Variants in UNC45A observed in about 807,000 individuals in gnomAD.
The protein encoded by UNC45A is protein unc-45 homolog A.
Under a neutral mutation model 103.2 loss-of-function variants are expected in UNC45A, and 78 were observed. The observed-to-expected ratio is 0.76, with a 90% CI of 0.63 to 0.91. UNC45A has a LOEUF of 0.91. Among genes scored for constraint, UNC45A ranks in the 40% least tolerant of loss-of-function variants. The probability of loss-of-function intolerance (pLI) is 0.00; values close to 1 mark genes in which losing one functional copy is unlikely to be tolerated. For synonymous variants in UNC45A, 495 were observed against 504.6 expected (o/e 0.98, Z 0.25); for missense variants, 1,193 against 1,224.8 (o/e 0.97, Z 0.39).
intron 6 of UNC45A, 98 bp downstream of exon 6, chr15:90,940,571 GTCCA>G: frequency 1.4e-5 from 20 of 1,456,658 alleles, no homozygotes; most frequent in Admixed American, 6.5e-5. Context: ...CCATCTGCCC[GTCCA>G]TCCATCCATC....
At chr15:90,951,013 T>C (rs2036877253) in intron 17 of UNC45A, among the ~76,000 whole-genome samples, 1 of 152,078 alleles carries the variant, frequency 6.6e-6, no homozygotes, top group African/African-American at 2.4e-5. Context: ...TATTTTAGTT[T>C]TTTTTTTTCT....
intron 4 of UNC45A, among the ~76,000 whole-genome samples, chr15:90,939,164 A>G (rs1184052870): frequency 6.6e-6 from 1 of 151,690 alleles, no homozygotes; most frequent in Non-Finnish European, 1.5e-5. Flanking sequence ...TATTTTTAGT[A>G]GAGATGGGGT....
intron 17 of UNC45A, among the ~76,000 whole-genome samples, chr15:90,951,164 C>T (rs544756099): frequency 2.0e-4 from 30 of 152,226 alleles, no homozygotes; most frequent in Non-Finnish European, 3.7e-4. Context: ...CGTGCTACCG[C>T]GCCTGGCTAA....
At chr15:90,934,189 C>A, upstream of UNC45A, 1 of 399,656 alleles carries the variant, frequency 2.5e-6, no homozygotes, top group Non-Finnish European at 4.4e-6. Flanking sequence ...GTGCTATGGG[C>A]TATTCCTGGG....
chr15:90,934,229 G>A (rs1447963532), upstream of UNC45A: 1 of 399,622 alleles, frequency 2.5e-6, no homozygotes. Flanking sequence ...GGGTGGAAGG[G>A]CATCTTTTCT....
At chr15:90,950,063 G>A in intron 15 of UNC45A, 91 bp from the exon 16 acceptor site, 1 of 1,234,622 alleles carries the variant, frequency 8.1e-7, no homozygotes, top group Non-Finnish European at 1.1e-6. Context: ...GAGGGAGGAA[G>A]GTGAGGGTGG....
rs199825054 is a variant in UNC45A, at chr15:90,948,618, C to T, written c.1738-36C>T. The stretch of plus-strand genomic sequence containing the variant: ...CATTTATCTGAGTACTGCTCTGCCC[C>T]GGGATGCCCATGTGAATTCCTCTGT... On this transcript the variant is annotated intron_variant, in intron 12 of 19. Transcript: ENST00000418476. 104 of 1,608,242 alleles carry T rather than the reference C, an allele frequency of 6.5e-5. 1 individual carries two copies. Among genetic ancestry groups the T allele is most frequent in the Admixed American group, 3.2e-4 (19 of 59,836 alleles).
intron 1 of UNC45A, 55 bp from the exon 2 acceptor site, chr15:90,935,489 T>G: frequency 6.4e-7 from 1 of 1,571,462 alleles, no homozygotes; most frequent in Non-Finnish European, 8.6e-7. Context: ...TCCCCTTAGC[T>G]CCCGGGCTCT....
chr15:90,935,852 G>A (rs2035988090), intron 2 of UNC45A, 94 bp from the exon 3 acceptor site: 2 of 1,591,156 alleles, frequency 1.3e-6, no homozygotes, highest in Non-Finnish European at 1.7e-6. Context: ...GTGGGGGATC[G>A]GGTGACCTTG....
upstream of UNC45A, chr15:90,931,087 T>C: frequency 1.6e-6 from 1 of 631,448 alleles, no homozygotes; most frequent in Non-Finnish European, 2.7e-6. Flanking sequence ...TACATCTGAT[T>C]CCCACCACGC....
At chr15:90,950,687 C>G in intron 17 of UNC45A, 72 bp downstream of exon 17, 1 of 1,437,614 alleles carries the variant, frequency 7.0e-7, no homozygotes, top group Non-Finnish European at 9.6e-7. Flanking sequence ...GCAGTTTACA[C>G]ATTGGGAAAC....
At chr15:90,931,347 C>T (rs771171537), upstream of UNC45A, 4 of 1,552,774 alleles carry the variant, frequency 2.6e-6, no homozygotes, top group Non-Finnish European at 3.5e-6. Context: ...TTCCCTGAAG[C>T]CCCTTCACCA....
upstream of UNC45A, chr15:90,935,156 A>G: frequency 1.5e-6 from 1 of 667,454 alleles, no homozygotes; most frequent in South Asian, 1.8e-5. Context: ...TGCGATCCAG[A>G]GCCAAGCGCC....
chr15:90,932,155 C>T (rs2035822142), upstream of UNC45A: 2 of 1,551,490 alleles, frequency 1.3e-6, no homozygotes, highest in East Asian at 4.5e-5. Flanking sequence ...GAGGTAGTCC[C>T]AAGGCGGTGT....
At chr15:90,949,931 G>T (rs889126967) in intron 15 of UNC45A, 3 of 671,298 alleles carry the variant, frequency 4.5e-6, no homozygotes, top group Non-Finnish European at 7.6e-6. Flanking sequence ...AGGCTCTACT[G>T]TTCCTTTGTC....
At chr15:90,946,994 C>T in intron 10 of UNC45A, 80 bp downstream of exon 10, 1 of 1,488,926 alleles carries the variant, frequency 6.7e-7, no homozygotes, top group African/African-American at 1.4e-5. Context: ...GGTGTGGCCC[C>T]AGCACACTCC....
At chr15:90,948,417 G>A (rs2036694579) in intron 12 of UNC45A, 134 bp downstream of exon 12, 1 of 1,388,798 alleles carries the variant, frequency 7.2e-7, no homozygotes, top group Admixed American at 2.2e-5. Flanking sequence ...TGGCTGCTCT[G>A]TGTAGTGTGG....
At position 90,953,857 on chromosome 15, in the gene UNC45A, C is replaced by G. The variant is rs1567165274; in HGVS notation, c.*141C>G. On this transcript the variant is annotated 3_prime_UTR_variant, in exon 20 of 20. Coordinates refer to ENST00000418476, the MANE Select transcript of UNC45A (RefSeq NM_018671.5). ...CTCGCTTGCTGCCCTAGGATGTCCT[C>G]TGTTCTGAGTCAGCGGCCACGTTCA... 1 of 1,278,178 alleles carries G rather than the reference C, an allele frequency of 7.8e-7. No individual in the cohort carries two copies. Among genetic ancestry groups the G allele is most frequent in the Non-Finnish European group, 1.1e-6 (1 of 932,204 alleles). The allele number at this position is 1,278,178 out of a possible 1,614,324, so 79.2% of individuals were successfully genotyped here.
chr15:90,950,433 C>A, intron 16 of UNC45A, 67 bp from the exon 17 acceptor site: 1 of 1,559,846 alleles, frequency 6.4e-7, no homozygotes, highest in East Asian at 2.3e-5. Context: ...GGGCTTCTCC[C>A]TGCAGGGTTG....
Sources: allele counts gnomAD v4.1 joint callset (sites outside exome capture counted in the v4.1 genomes callset), GRCh38; gene constraint gnomAD v4.1.1; transcripts MANE v1.5; gene names NCBI Gene and HGNC (gene_info 2026-07-23, HGNC 2026-07-21).